The following KIAA0825 variants were observed in gnomAD, a reference collection of about 807,000 sequenced individuals.
KIAA0825 encodes KIAA0825, also known as uncharacterized protein KIAA0825.
A neutral mutation model predicts 147.6 loss-of-function variants in KIAA0825; 119 were observed. The ratio of observed to expected loss-of-function variants is 0.81; its 90% CI spans 0.69 to 0.94. The LOEUF (loss-of-function observed/expected upper bound fraction) is 0.94. Ranked by LOEUF, KIAA0825 falls within the 40% of genes least tolerant of loss-of-function variation. The pLI is 0.00. For missense variants in KIAA0825, 1,381 were observed against 1,472.7 expected (o/e 0.94, Z 1.02); for synonymous variants, 470 against 518.1 (o/e 0.91, Z 1.26).
At chr5:94,165,246 A>T (rs912993139) in intron 20 of KIAA0825, among the ~76,000 whole-genome samples, 7 of 152,210 alleles carry the variant, frequency 4.6e-5, no homozygotes, top group African/African-American at 1.7e-4. Flanking sequence ...GCAAACAGGT[A>T]TATGAAAAGG....
At chr5:94,329,310 A>G (rs1204357006) in intron 20 of KIAA0825, among the ~76,000 whole-genome samples, 1 of 152,136 alleles carries the variant, frequency 6.6e-6, no homozygotes, top group Admixed American at 6.5e-5. Context: ...AGCAAATGAA[A>G]TGGGAAAAAT....
At chr5:94,338,248 A>T (rs1198567321) in intron 20 of KIAA0825, among the ~76,000 whole-genome samples, 3 of 151,504 alleles carry the variant, frequency 2.0e-5, no homozygotes, top group Non-Finnish European at 4.4e-5. Flanking sequence ...TTTTTTATGC[A>T]GTATATATGC....
intron 20 of KIAA0825, among the ~76,000 whole-genome samples, chr5:94,298,860 G>A (rs530084560): frequency 4.9e-4 from 74 of 152,248 alleles, no homozygotes; most frequent in African/African-American, 1.7e-3. Context: ...AAGGTAGTTC[G>A]TTGTCAAGAT....
intron 3 of KIAA0825, among the ~76,000 whole-genome samples, chr5:94,529,253 T>TG (rs1491578469): frequency 7.8e-6 from 1 of 128,624 alleles, no homozygotes; most frequent in East Asian, 1.9e-4. Context: ...TACATATATA[T>TG]GTATATATCA....
chr5:94,486,234 C>G (rs1763041628), intron 5 of KIAA0825, among the ~76,000 whole-genome samples: 1 of 152,004 alleles, frequency 6.6e-6, no homozygotes. Context: ...CTCCTACAAA[C>G]TTAGCACAAA....
intron 20 of KIAA0825, among the ~76,000 whole-genome samples, chr5:94,292,870 T>C (rs1420825471): frequency 2.0e-5 from 3 of 152,210 alleles, no homozygotes; most frequent in Non-Finnish European, 2.9e-5. Flanking sequence ...ATTTAACCAT[T>C]TCTTCTAGAT....
At chr5:94,237,959 C>T (rs1003625555) in intron 20 of KIAA0825, among the ~76,000 whole-genome samples, 1 of 152,106 alleles carries the variant, frequency 6.6e-6, no homozygotes, top group Non-Finnish European at 1.5e-5. Context: ...GAGCTCATTA[C>T]GTGTCTGAAA....
At chr5:94,173,813 AC>A (rs1287392843) in intron 20 of KIAA0825, among the ~76,000 whole-genome samples, 5 of 152,076 alleles carry the variant, frequency 3.3e-5, no homozygotes, top group Admixed American at 6.6e-5. Context: ...TGAAGTAGAG[AC>A]CCTTATGTGG....
chr5:94,448,335 G>C (rs1231170241), intron 13 of KIAA0825, among the ~76,000 whole-genome samples: 1 of 151,690 alleles, frequency 6.6e-6, no homozygotes, highest in African/African-American at 2.4e-5. Flanking sequence ...ATGAAAAATT[G>C]TGCTTTTATC....
intron 2 of KIAA0825, among the ~76,000 whole-genome samples, chr5:94,550,761 G>A (rs1775366378): frequency 6.6e-6 from 1 of 151,576 alleles, no homozygotes; most frequent in South Asian, 2.1e-4. Context: ...AGAATGGCGT[G>A]AGCCCGGGAG....
intron 20 of KIAA0825, among the ~76,000 whole-genome samples, chr5:94,219,443 C>A (rs1773494926): frequency 6.6e-6 from 1 of 152,050 alleles, no homozygotes; most frequent in Admixed American, 6.6e-5. Flanking sequence ...GGGTTGGAGA[C>A]CCCTGAGCTA....
chr5:94,522,386 C>T (rs1338811560), intron 4 of KIAA0825, among the ~76,000 whole-genome samples: 2 of 151,556 alleles, frequency 1.3e-5, no homozygotes, highest in Non-Finnish European at 3.0e-5. Context: ...ACTGTAAATT[C>T]TATAAAGCAA....
chr5:94,160,260 T>A (rs1009408622), intron 20 of KIAA0825, among the ~76,000 whole-genome samples: 1 of 152,102 alleles, frequency 6.6e-6, no homozygotes, highest in Non-Finnish European at 1.5e-5. Context: ...CCAAGCTGTA[T>A]GTAATTCAGC....
At chr5:94,261,150 A>T (rs2150131979) in intron 20 of KIAA0825, among the ~76,000 whole-genome samples, 1 of 151,976 alleles carries the variant, frequency 6.6e-6, no homozygotes, top group South Asian at 2.1e-4. Context: ...AAAAATATTT[A>T]AAATTAGCTG....
intron 20 of KIAA0825, among the ~76,000 whole-genome samples, chr5:94,342,195 CAA>C (rs1373829625): frequency 7.9e-6 from 1 of 126,102 alleles, no homozygotes; most frequent in Non-Finnish European, 1.7e-5. Flanking sequence ...GACTCCGTCT[CAA>C]AAAAAAAAAA....
chr5:94,559,306 A>G (rs1777134101), intron 2 of KIAA0825, among the ~76,000 whole-genome samples: 1 of 152,234 alleles, frequency 6.6e-6, no homozygotes, highest in African/African-American at 2.4e-5. Context: ...ACAGGGTGCC[A>G]GGGAAGATCC....
chr5:94,321,843 A>G (rs1259699861), intron 20 of KIAA0825, among the ~76,000 whole-genome samples: 1 of 152,040 alleles, frequency 6.6e-6, no homozygotes, highest in Non-Finnish European at 1.5e-5. Context: ...AATTAGTGAT[A>G]CTGAAGGTAT....
intron 2 of KIAA0825, among the ~76,000 whole-genome samples, chr5:94,548,040 A>G (rs1774803890): frequency 6.6e-6 from 1 of 152,164 alleles, no homozygotes. Context: ...AACTAAAAGA[A>G]AAAGATGTTA....
intron 15 of KIAA0825, among the ~76,000 whole-genome samples, chr5:94,407,282 A>C (rs1306036942): frequency 6.6e-6 from 1 of 152,136 alleles, no homozygotes; most frequent in Non-Finnish European, 1.5e-5. Flanking sequence ...AGAGTTGCAA[A>C]CTGTGTGTGT....
Sources: allele counts gnomAD v4.1 joint callset (sites outside exome capture counted in the v4.1 genomes callset), GRCh38; gene constraint gnomAD v4.1.1; transcripts MANE v1.5; gene names NCBI Gene and HGNC (gene_info 2026-07-23, HGNC 2026-07-21).